Variants in WARS1 observed in about 807,000 individuals in gnomAD.
WARS1 encodes the protein tryptophanyl-tRNA synthetase 1.
A neutral mutation model predicts 47.8 loss-of-function variants in WARS1; 17 were observed. That is an observed-to-expected ratio of 0.36 (90% CI 0.24 to 0.53). The LOEUF is 0.53. WARS1 is among the 20% of genes least tolerant of loss of function. WARS1 has a pLI of 0.91. For synonymous variants in WARS1, 208 were observed against 228.1 expected (o/e 0.91, Z 0.79); for missense variants, 434 against 608.0 (o/e 0.71, Z 3.01).
intron 7 of WARS1, among the ~76,000 whole-genome samples, chr14:100,344,240 G>A (rs996623815): frequency 3.3e-5 from 5 of 152,080 alleles, no homozygotes; most frequent in East Asian, 1.9e-4. Flanking sequence ...GCGCCGCCAC[G>A]CCTGACTGGT....
chr14:100,365,105 G>T (rs1437146505), intron 2 of WARS1, among the ~76,000 whole-genome samples: 3 of 145,182 alleles, frequency 2.1e-5, no homozygotes, highest in Non-Finnish European at 3.0e-5. Flanking sequence ...TGGAAAGAGC[G>T]AGACCCTGTC....
At chr14:100,354,131 G>A in intron 5 of WARS1, 4 of 514,004 alleles carry the variant, frequency 7.8e-6, no homozygotes, top group Non-Finnish European at 1.0e-5. Context: ...TATGAGGTAG[G>A]TATCTTCATT....
chr14:100,351,566 A>G (rs1480581664), intron 6 of WARS1, among the ~76,000 whole-genome samples: 1 of 151,688 alleles, frequency 6.6e-6, no homozygotes, highest in Non-Finnish European at 1.5e-5. Flanking sequence ...ATCCCATTTC[A>G]TGGACACGGC....
At chr14:100,343,018 A>C (rs1051814741) in intron 8 of WARS1, among the ~76,000 whole-genome samples, 3 of 152,050 alleles carry the variant, frequency 2.0e-5, no homozygotes, top group African/African-American at 7.2e-5. Context: ...CTGGGATTAC[A>C]GGCGCCTGCC....
chr14:100,341,039 C>A (rs972305688), intron 9 of WARS1, among the ~76,000 whole-genome samples: 1 of 151,792 alleles, frequency 6.6e-6, no homozygotes, highest in African/African-American at 2.4e-5. Context: ...CTCAGCCTCC[C>A]GAGTAGCTGG....
chr14:100,367,312 G>A (rs1896056683), intron 2 of WARS1, among the ~76,000 whole-genome samples: 2 of 152,182 alleles, frequency 1.3e-5, no homozygotes, highest in Admixed American at 1.3e-4. Flanking sequence ...AAGGCAGGCT[G>A]AGTGTGGTGG....
chr14:100,336,382 G>C (rs1893736827), intron 10 of WARS1, among the ~76,000 whole-genome samples: 1 of 152,062 alleles, frequency 6.6e-6, no homozygotes, highest in African/African-American at 2.4e-5. Flanking sequence ...CAAGTAGCAG[G>C]GGCTACAGAT....
intron 10 of WARS1, among the ~76,000 whole-genome samples, chr14:100,336,109 A>G (rs1298947119): frequency 6.6e-6 from 1 of 151,932 alleles, no homozygotes; most frequent in Non-Finnish European, 1.5e-5. Context: ...CCCTGTCTCT[A>G]CTAAAAATAC....
chr14:100,361,708 C>T lies in WARS1; in HGVS notation c.313G>A (p.Val105Ile). The change falls in exon 3 of 11, where the codon GTT becomes ATT. Residue 105 changes from valine to isoleucine, a missense_variant and splice_region_variant. Physicochemically the swap from Val to Ile is conservative, Grantham distance 29. Transcript: ENST00000392882. ...AKGIDYDKLI[V>I]RFGSSKIDKE... ...TCTGGGAAGAAAGCAGAGGACGTAC[C>T]AATGAGCTTATCGTAGTCTATGCCT... 6.2e-7 allele frequency: 1 copy of T among 1,614,040 alleles called. No homozygotes were observed. Among genetic ancestry groups the T allele is most frequent in the Non-Finnish European group, 8.5e-7 (1 of 1,179,984 alleles).
chr14:100,347,179 G>T (rs1894677422), intron 6 of WARS1, among the ~76,000 whole-genome samples: 1 of 152,222 alleles, frequency 6.6e-6, no homozygotes, highest in African/African-American at 2.4e-5. Flanking sequence ...ATTCTGCCAG[G>T]GTCAGCAGTT....
In WARS1 at chr14:100,343,331, G is replaced by T. The variant is rs778313444; in HGVS notation, c.883C>A (p.Gln295Lys). The change falls in exon 8 of 11, where the codon CAG becomes AAG. Residue 295 changes from glutamine (Q) to lysine (K), a missense_variant. This residue lies in a region of WARS1 where 347 missense variants were observed against 523.8 expected (regional missense o/e 0.66). Transcript: ENST00000392882. ...AAPSFSNSFPQIFRDRTDIQC... is the reference protein window; with the variant it reads ...AAPSFSNSFPKIFRDRTDIQC... The stretch of plus-strand genomic sequence containing the variant: ...ATATCCGTCCTGTCTCGGAAGATCT[G>T]TGGGAATGAGTTGCTGAAGGAGGGA... The T allele has an allele frequency of 7.4e-6, 12 of 1,613,442 alleles. No homozygotes were observed. In the South Asian group the frequency reaches 1.1e-4, roughly 15 times the overall value.
intron 7 of WARS1, among the ~76,000 whole-genome samples, chr14:100,345,633 GC>G (rs762918319): frequency 1.3e-5 from 2 of 149,290 alleles, no homozygotes; most frequent in Non-Finnish European, 3.0e-5. Flanking sequence ...ATCCCCCTCT[GC>G]GAGAAACACC....
At chr14:100,365,437 G>A (rs4541005) in intron 2 of WARS1, 158,986 of 235,500 alleles carry the variant, frequency 0.68, 55,284 homozygotes, top group Admixed American at 0.79. Flanking sequence ...AAAATTAGCC[G>A]GGTGTGGTGG....
intron 6 of WARS1, among the ~76,000 whole-genome samples, chr14:100,352,018 T>A (rs1329148939): frequency 2.0e-5 from 3 of 147,750 alleles, no homozygotes; most frequent in Non-Finnish European, 4.5e-5. Flanking sequence ...AAGAAAAAGC[T>A]AACAGTTTTA....
At position 100,347,866 on chromosome 14, in the gene WARS1, C is replaced by T. The variant is rs575339432; in HGVS notation, c.726-1020G>A. Among the ~76,000 whole-genome samples the T allele has an allele frequency of 9.8e-5, 15 of 152,286 alleles. No homozygotes were observed. The South Asian group carries it at 1.9e-3, about 19-fold the overall frequency. The stretch of plus-strand genomic sequence containing the variant: ...TGCTGGGATTACAGGTGTGAGCCAC[C>T]GCGCCCAGCCAAGTGGCTTCTTATA... On this transcript the variant is annotated intron_variant, in intron 6 of 10. Transcript: ENST00000392882.
chr14:100,364,976 T>C (rs1031524143), intron 2 of WARS1, among the ~76,000 whole-genome samples: 1 of 152,096 alleles, frequency 6.6e-6, no homozygotes, highest in Admixed American at 6.6e-5. Flanking sequence ...TTATTTCATT[T>C]AAAATATGAG....
At position 100,333,919 on chromosome 14, in the gene WARS1, G is replaced by A. The variant is rs907912236; in HGVS notation, c.*956C>T. 5.2e-5 allele frequency: 8 copies of A among 152,702 alleles called. No homozygotes were observed. In the South Asian group the frequency reaches 6.2e-4, roughly 12 times the overall value. 9.5% of individuals were successfully genotyped at this position (152,702 alleles called of 1,614,324 possible). A position where few individuals can be genotyped will look rare whatever the true frequency, so the allele number is the denominator to read the frequency against. On this transcript the variant is annotated 3_prime_UTR_variant, in exon 11 of 11. Transcript: ENST00000392882. ...GCTCTTCCAGGCCTGCACATGCTGC[G>A]TGATGAAATGAGGCCTGCCTAGACA... is the stretch of plus-strand genomic sequence containing the variant.
intron 2 of WARS1, among the ~76,000 whole-genome samples, chr14:100,365,254 T>C (rs189762902): frequency 6.8e-6 from 1 of 147,508 alleles, no homozygotes; most frequent in African/African-American, 2.4e-5. Context: ...AGCAAGGTGT[T>C]TGAAAAGATA....
chr14:100,342,743 T>G (rs2139923308), intron 8 of WARS1, among the ~76,000 whole-genome samples, 172 bp from the exon 9 acceptor site: 1 of 151,858 alleles, frequency 6.6e-6, no homozygotes, highest in South Asian at 2.1e-4. Context: ...TTACTTCCAG[T>G]TCTGGGATAC....
Sources: allele counts gnomAD v4.1 joint callset (sites outside exome capture counted in the v4.1 genomes callset), GRCh38; gene constraint gnomAD v4.1.1; regional missense constraint gnomAD v4.1.1; transcripts MANE v1.5; gene names NCBI Gene and HGNC (gene_info 2026-07-23, HGNC 2026-07-21).